LMNTD1: variants seen among roughly 807,000 people sequenced by gnomAD.
LMNTD1 encodes the protein lamin tail domain-containing protein 1.
LMNTD1 carries 35 observed loss-of-function variants against 50.9 expected under a neutral mutation model. That is an observed-to-expected ratio of 0.69 (90% CI 0.53 to 0.91). The LOEUF (loss-of-function observed/expected upper bound fraction) is 0.91. LMNTD1 is among the 40% of genes least tolerant of loss of function. The probability of loss-of-function intolerance (pLI) is 0.00; values close to 1 mark genes in which losing one functional copy is unlikely to be tolerated. For missense variants in LMNTD1, 470 were observed against 475.5 expected (o/e 0.99, Z 0.11); for synonymous variants, 153 against 161.9 (o/e 0.94, Z 0.42).
chr12:25,499,642 G>T (rs575696813), intron 9 of LMNTD1, among the ~76,000 whole-genome samples: 1 of 152,104 alleles, frequency 6.6e-6, no homozygotes, highest in East Asian at 1.9e-4. Flanking sequence ...TCTTCTTGCT[G>T]GTACTTGAGT....
intron 6 of LMNTD1, among the ~76,000 whole-genome samples, chr12:25,525,842 T>C (rs1391711285): frequency 1.3e-5 from 2 of 152,090 alleles, no homozygotes; most frequent in African/African-American, 4.8e-5. Flanking sequence ...TAAGAACTAA[T>C]GAGTGCTCTT....
chr12:25,493,544 C>T (rs1166481949), intron 9 of LMNTD1, among the ~76,000 whole-genome samples: 2 of 152,202 alleles, frequency 1.3e-5, no homozygotes, highest in African/African-American at 2.4e-5. Flanking sequence ...ATAGTCTCTT[C>T]CTTTGTTCTG....
chr12:25,529,935 C>T (rs570087539), intron 4 of LMNTD1, among the ~76,000 whole-genome samples: 3 of 152,288 alleles, frequency 2.0e-5, no homozygotes, highest in African/African-American at 7.2e-5. Flanking sequence ...ATGATTCATG[C>T]TGCTGCAGGC....
chr12:25,622,386 T>C (rs1946488826), intron 1 of LMNTD1, among the ~76,000 whole-genome samples: 1 of 151,486 alleles, frequency 6.6e-6, no homozygotes, highest in African/African-American at 2.4e-5. Context: ...ACTGCAGAGT[T>C]CATGCATGAC....
chr12:25,618,487 C>T lies in LMNTD1; in HGVS notation c.58+30007G>A, dbSNP rs1946394570. Among the ~76,000 whole-genome samples the T allele has an allele frequency of 2.0e-5, 3 of 152,136 alleles. 1 individual carries two copies. In the South Asian group the frequency reaches 6.2e-4, roughly 32 times the overall value. On this transcript the variant is annotated intron_variant, in intron 1 of 7. Coordinates refer to the LMNTD1 transcript ENST00000445693. ...ATTGCTTCGGGTTAAGAATTTTCTCCTCAAAATGTAGATTGCTCTTTAGGT... is the reference window on the plus strand; with the variant it reads ...ATTGCTTCGGGTTAAGAATTTTCTCTTCAAAATGTAGATTGCTCTTTAGGT...
intron 4 of LMNTD1, among the ~76,000 whole-genome samples, chr12:25,528,581 A>G (rs1235975323): frequency 6.6e-6 from 1 of 152,162 alleles, no homozygotes; most frequent in African/African-American, 2.4e-5. Context: ...CAATATCTCT[A>G]TTCTCACTCT....
chr12:25,512,667 G>A (rs950820518), intron 8 of LMNTD1, among the ~76,000 whole-genome samples: 2 of 152,096 alleles, frequency 1.3e-5, no homozygotes. Context: ...CTTAGGATAG[G>A]GGGAGGATAC....
chr12:25,573,589 C>T (rs1944884932), intron 1 of LMNTD1, among the ~76,000 whole-genome samples: 2 of 152,154 alleles, frequency 1.3e-5, no homozygotes, highest in South Asian at 4.1e-4. Context: ...GAAGGGTGTT[C>T]AGCTGGTCCT....
rs545729952 is a variant in LMNTD1 at position 25,487,494 on chromosome 12, T to G, written c.*23-11034A>C. Among the ~76,000 whole-genome samples, 634 of 142,758 alleles carry G rather than the reference T, an allele frequency of 4.4e-3. 6 individuals are homozygous for G. Among genetic ancestry groups the G allele is most frequent in the African/African-American group, 0.015 (583 of 38,280 alleles). The allele number at this position is 142,758 out of a possible 152,430, so 93.7% of individuals were successfully genotyped here. A position where few individuals can be genotyped will look rare whatever the true frequency, so the allele number is the denominator to read the frequency against. ...TTGTTTTCCATTTGCTTGGTAGATC[T>G]TCCTCCATCCTTTTATTTTGAGCAT... On this transcript the variant is annotated intron_variant, in intron 9 of 9. Transcript: ENST00000458174.
chr12:25,530,894 T>A (rs1942181555), intron 4 of LMNTD1, among the ~76,000 whole-genome samples: 1 of 152,138 alleles, frequency 6.6e-6, no homozygotes. Context: ...GTGGAATTAA[T>A]CTAATCAAAT....
chr12:25,579,439 T>G (rs546551257), intron 1 of LMNTD1, among the ~76,000 whole-genome samples: 4 of 152,198 alleles, frequency 2.6e-5, no homozygotes, highest in Admixed American at 1.3e-4. Flanking sequence ...ACTTTAGCAT[T>G]TAAGGATTCT....
intron 9 of LMNTD1, among the ~76,000 whole-genome samples, chr12:25,494,020 CGTG>C (rs1350478921): frequency 1.3e-5 from 2 of 152,256 alleles, no homozygotes; most frequent in African/African-American, 2.4e-5. Flanking sequence ...AATGGGGAGT[CGTG>C]GAAGTGGATT....
At chr12:25,504,762 C>T (rs1053250375) in intron 8 of LMNTD1, among the ~76,000 whole-genome samples, 6 of 152,160 alleles carry the variant, frequency 3.9e-5, no homozygotes, top group African/African-American at 1.4e-4. Flanking sequence ...CTGATTATCA[C>T]GGTAATTTTC....
chr12:25,617,286 G>A (rs886642574), intron 1 of LMNTD1, among the ~76,000 whole-genome samples: 6 of 152,204 alleles, frequency 3.9e-5, no homozygotes, highest in Non-Finnish European at 5.9e-5. Context: ...GGTAACAGGT[G>A]AATTTTACAG....
chr12:25,597,164 C>A, intron 1 of LMNTD1, among the ~76,000 whole-genome samples: 1 of 151,768 alleles, frequency 6.6e-6, no homozygotes. Flanking sequence ...AAAAAAACCC[C>A]ACATAAAATG....
chr12:25,527,681 T>TATATATACACAC (rs1463259109), intron 4 of LMNTD1, among the ~76,000 whole-genome samples: 17 of 32,324 alleles, frequency 5.3e-4, no homozygotes, highest in Non-Finnish European at 7.0e-4. Context: ...TATATATATA[T>TATATATACACAC]ACACACACAC....
intron 8 of LMNTD1, among the ~76,000 whole-genome samples, chr12:25,508,189 G>C (rs998164697): frequency 6.6e-6 from 1 of 152,058 alleles, no homozygotes; most frequent in African/African-American, 2.4e-5. Flanking sequence ...TTACAGCATG[G>C]TGAAGCCAGT....
chr12:25,618,510 G>C (rs535352559), intron 1 of LMNTD1, among the ~76,000 whole-genome samples: 7 of 152,094 alleles, frequency 4.6e-5, no homozygotes, highest in African/African-American at 1.7e-4. Flanking sequence ...TTGCTCTTTA[G>C]GTTGGAGCAA....
intron 1 of LMNTD1, among the ~76,000 whole-genome samples, chr12:25,647,109 T>C (rs1470310144): frequency 1.3e-5 from 2 of 152,216 alleles, no homozygotes; most frequent in East Asian, 3.8e-4. Context: ...TGAATAGGTT[T>C]TTGATACCTT....
Sources: gnomAD v4.1 joint callset for allele counts (sites outside exome capture counted in the v4.1 genomes callset) on GRCh38, gnomAD v4.1.1 for gene constraint, MANE v1.5 for transcripts, NCBI Gene and HGNC (gene_info 2026-07-23, HGNC 2026-07-21) for gene names.